Variants in DMXL2 observed in about 807,000 individuals in gnomAD.
The protein encoded by DMXL2 is Dmx like 2.
In DMXL2, 103 loss-of-function variants were observed where a neutral mutation model predicts 331.1. The ratio of observed to expected loss-of-function variants is 0.31; its 90% confidence interval spans 0.27 to 0.37. The LOEUF (loss-of-function observed/expected upper bound fraction) is 0.37. DMXL2 is among the 10% of genes least tolerant of loss of function. The pLI is 1.00. For missense variants in DMXL2, 3,171 were observed against 3,642.9 expected (o/e 0.87, Z 3.33); for synonymous variants, 1,281 against 1,252.1 (o/e 1.02, Z -0.49).
intron 2 of DMXL2, among the ~76,000 whole-genome samples, chr15:51,575,816 G>C (rs565157235): frequency 6.6e-6 from 1 of 152,190 alleles, no homozygotes; most frequent in African/African-American, 2.4e-5. Flanking sequence ...GTATGCACAG[G>C]ATTGTAAGGC....
intron 43 of DMXL2, among the ~76,000 whole-genome samples, chr15:51,449,831 C>T (rs2038978424): frequency 6.6e-6 from 1 of 152,030 alleles, no homozygotes; most frequent in Non-Finnish European, 1.5e-5. Context: ...TTCTAAGGAG[C>T]CAAACTAATG....
chr15:51,457,552 G>A (rs2039740158), intron 36 of DMXL2, 86 bp from the exon 37 acceptor site: 5 of 1,438,538 alleles, frequency 3.5e-6, no homozygotes, highest in Non-Finnish European at 3.8e-6. Flanking sequence ...TGTACCCATA[G>A]GACAATCTTT....
intron 29 of DMXL2, among the ~76,000 whole-genome samples, chr15:51,469,423 T>C (rs1352755864): frequency 1.3e-5 from 2 of 152,208 alleles, no homozygotes; most frequent in Non-Finnish European, 2.9e-5. Context: ...GACAGCTATA[T>C]AAGTTTTTAA....
intron 13 of DMXL2, among the ~76,000 whole-genome samples, chr15:51,522,910 G>T (rs2047457907): frequency 6.6e-6 from 1 of 152,118 alleles, no homozygotes; most frequent in Admixed American, 6.5e-5. Context: ...CACATGCTTA[G>T]TTGGCCTCAA....
intron 14 of DMXL2, among the ~76,000 whole-genome samples, chr15:51,514,793 G>A (rs1346137181): frequency 2.1e-5 from 3 of 144,414 alleles, no homozygotes; most frequent in Non-Finnish European, 3.0e-5. Flanking sequence ...AAGAGCTCTA[G>A]TACAAACAAA....
rs1164357811 is a variant in DMXL2 at position 51,481,290 on chromosome 15, T to G, written c.5816A>C (p.Lys1939Thr). 1 of 1,613,970 alleles carries G rather than the reference T, an allele frequency of 6.2e-7. No homozygotes were observed. Among genetic ancestry groups the G allele is most frequent in the Non-Finnish European group, 8.5e-7 (1 of 1,179,994 alleles). Reference sequence around the variant, plus strand: ...ACTTCCATTGCCATCACTCAGAGCTTTTGAATGTGAAGGTACATCATCCAT... The same window carrying G: ...ACTTCCATTGCCATCACTCAGAGCTGTTGAATGTGAAGGTACATCATCCAT... The part of the protein sequence containing the change: ...HRMDDVPSHS[K>T]ALSDGNGSSG... The change falls in exon 24 of 44, where the codon AAA (lysine) becomes ACA (threonine). Residue 1939 changes from lysine (K) to threonine (T), a missense_variant. Coordinates refer to ENST00000560891, the MANE Select transcript of DMXL2 (RefSeq NM_001378457.1).
chr15:51,538,462 T>C lies in DMXL2; in HGVS notation c.1106-10A>G. The stretch of plus-strand genomic sequence containing the variant: ...AAGACATTTGGAATATCTGTGGAAA[T>C]AAAAGAGATTTCAATATAATTTTTT... On this transcript the variant is annotated splice_polypyrimidine_tract_variant and intron_variant, in intron 9 of 43. Transcript: ENST00000560891. 1 of 1,562,532 alleles carries C rather than the reference T, an allele frequency of 6.4e-7. No individual in the cohort carries two copies. The highest frequency in any genetic ancestry group is 1.4e-5 in the African/African-American group (1 of 72,414).
intron 1 of DMXL2, among the ~76,000 whole-genome samples, chr15:51,579,356 T>C (rs547295942): frequency 1.4e-4 from 22 of 152,224 alleles, no homozygotes; most frequent in African/African-American, 5.3e-4. Flanking sequence ...GTCTAATGCA[T>C]AAATAATCCA....
chr15:51,595,797 C>G (rs923543796), intron 1 of DMXL2, among the ~76,000 whole-genome samples: 31 of 152,288 alleles, frequency 2.0e-4, no homozygotes, highest in African/African-American at 7.5e-4. Flanking sequence ...TTTGACAAAC[C>G]TGACAAAAGC....
In DMXL2 at chr15:51,590,567, A is replaced by AT. The variant is rs201274138; in HGVS notation, c.88-14387dup. 6.5e-4 allele frequency among the ~76,000 whole-genome samples: 96 copies of AT among 147,318 alleles called. No homozygotes were observed. In the South Asian group the frequency reaches 0.012, roughly 18 times the overall value. On this transcript the variant is annotated intron_variant, in intron 1 of 43. Coordinates refer to ENST00000560891, the MANE Select transcript of DMXL2 (RefSeq NM_001378457.1). ...ATCTGCCTTGACTAGTTCCATTTTAATTTTTTTTTTTTAAGAGATGGGGTC... is the reference window on the plus strand; with the variant it reads ...ATCTGCCTTGACTAGTTCCATTTTAATTTTTTTTTTTTTAAGAGATGGGGTC...
intron 7 of DMXL2, among the ~76,000 whole-genome samples, chr15:51,546,801 C>T (rs951454326): frequency 2.0e-5 from 3 of 152,004 alleles, no homozygotes; most frequent in Non-Finnish European, 2.9e-5. Context: ...GCTTTAACAC[C>T]ATATACATAA....
chr15:51,555,298 G>A (rs963640649), intron 6 of DMXL2, among the ~76,000 whole-genome samples: 3 of 152,192 alleles, frequency 2.0e-5, no homozygotes, highest in Non-Finnish European at 4.4e-5. Flanking sequence ...CAGATTATAA[G>A]AGTGGAGGTG....
chr15:51,556,318 G>A (rs2049575712), intron 6 of DMXL2, among the ~76,000 whole-genome samples: 2 of 143,390 alleles, frequency 1.4e-5, no homozygotes, highest in Non-Finnish European at 3.0e-5. Flanking sequence ...ACTCCACCCT[G>A]GGTGACAGAG....
intron 13 of DMXL2, among the ~76,000 whole-genome samples, chr15:51,519,289 T>A (rs1248197557): frequency 6.6e-6 from 1 of 152,052 alleles, no homozygotes; most frequent in African/African-American, 2.4e-5. Context: ...ACAAATTTTT[T>A]AATTTTTTTG....
At chr15:51,554,834 A>G (rs2049450626) in intron 6 of DMXL2, among the ~76,000 whole-genome samples, 1 of 152,166 alleles carries the variant, frequency 6.6e-6, no homozygotes, top group African/African-American at 2.4e-5. Flanking sequence ...TGTACAAAAG[A>G]AGAGTGACAA....
Position 51,450,543 on chromosome 15 carries a change from T to C in DMXL2, c.8750-197A>G, listed in dbSNP as rs369961205. 7.7e-4 allele frequency: 452 copies of C among 587,212 alleles called. 7 individuals carry two copies. In the South Asian group the frequency reaches 8.8e-3, roughly 11 times the overall value. The allele number at this position is 587,212 out of a possible 1,614,324, so 36.4% of individuals were successfully genotyped here. Reference sequence around the variant, plus strand: ...TTAAGCAATGTCAGAACAAACTTTTTATCCATAATCTCAATATGAAATGAA... The same window carrying C: ...TTAAGCAATGTCAGAACAAACTTTTCATCCATAATCTCAATATGAAATGAA... On this transcript the variant is annotated intron_variant, in intron 42 of 43. Coordinates refer to ENST00000560891, the MANE Select transcript of DMXL2 (RefSeq NM_001378457.1).
rs1421440122 is a variant in DMXL2, at chr15:51,488,558, C to T, written c.5041G>A (p.Gly1681Ser). 1 of 1,613,086 alleles carries T rather than the reference C, an allele frequency of 6.2e-7. No individual in the cohort carries two copies. Among genetic ancestry groups the T allele is most frequent in the Non-Finnish European group, 8.5e-7 (1 of 1,179,692 alleles). ...GTCAAGGCAACTTACCTAAACAGAC[C>T]CCACACTACTGCTTTCTTCTTCATT... is the stretch of plus-strand genomic sequence containing the variant. ...LSMKKKAVVWGLFRSQHDEKM... is the reference protein window; with the variant it reads ...LSMKKKAVVWSLFRSQHDEKM... Residue 1681 changes from glycine (G) to serine (S), a missense_variant, in exon 21 of 44, where the codon GGT (glycine) becomes AGT (serine). Gly to Ser is a moderately conservative substitution (Grantham distance 56). Coordinates refer to ENST00000560891, the MANE Select transcript of DMXL2 (RefSeq NM_001378457.1).
intron 6 of DMXL2, among the ~76,000 whole-genome samples, chr15:51,551,510 C>T (rs180712637): frequency 6.6e-6 from 1 of 152,134 alleles, no homozygotes; most frequent in Admixed American, 6.5e-5. Context: ...TTCATAAGAA[C>T]CAATTATTAT....
rs971197899 is a variant in DMXL2 at position 51,456,144 on chromosome 15, C to G, written c.8448G>C (p.Arg2816=). The stretch of plus-strand genomic sequence containing the variant: ...GACGAAAGCAGACAAGTTGCTGAGG[C>G]CGCGTCCATTCAAACATTCGTACAC... The part of the protein sequence containing the change: ...DGSVRMFEWT[R]PQQLVCFRQA... The change falls in exon 39 of 44, where the codon CGG becomes CGC. Residue 2816 remains arginine (R), a synonymous_variant. Coordinates refer to ENST00000560891, the MANE Select transcript of DMXL2 (RefSeq NM_001378457.1). 1 of 1,614,124 alleles carries G rather than the reference C, an allele frequency of 6.2e-7. No individual in the cohort carries two copies. The highest frequency in any genetic ancestry group is 8.5e-7 in the Non-Finnish European group (1 of 1,180,020).
Sources: allele counts gnomAD v4.1 joint callset (sites outside exome capture counted in the v4.1 genomes callset), GRCh38; gene constraint gnomAD v4.1.1; transcripts MANE v1.5; gene names NCBI Gene and HGNC (gene_info 2026-07-23, HGNC 2026-07-21).